The following HERC3 variants were observed in gnomAD, a reference collection of about 807,000 sequenced individuals.
The protein encoded by HERC3 is HECT and RLD domain containing E3 ubiquitin protein ligase 3.
Under a neutral mutation model 129.9 loss-of-function variants are expected in HERC3, and 58 were observed. The ratio of observed to expected loss-of-function variants is 0.45; its 90% CI spans 0.36 to 0.56. The LOEUF (loss-of-function observed/expected upper bound fraction) is 0.56. HERC3 is among the 20% of genes least tolerant of loss of function. The pLI, the probability that HERC3 is intolerant of heterozygous loss-of-function variation, is 0.00. For missense variants in HERC3, 835 were observed against 1,244.2 expected, an observed-to-expected ratio of 0.67 and a Z score of 4.95; for synonymous variants, 430 against 451.0, an observed-to-expected ratio of 0.95 and a Z score of 0.59.
intron 14 of HERC3, 82 bp downstream of exon 14, chr4:88,668,163 T>G: frequency 1.8e-6 from 2 of 1,093,146 alleles, no homozygotes; most frequent in Non-Finnish European, 2.7e-6. Flanking sequence ...TGGATTGAGA[T>G]CCAAGAATCT....
At chr4:88,653,144 A>C in intron 6 of HERC3, 54 bp downstream of exon 6, 4 of 1,538,406 alleles carry the variant, frequency 2.6e-6, no homozygotes, top group Non-Finnish European at 3.6e-6. Flanking sequence ...TTCATTTAAC[A>C]CATGCTTCTT....
chr4:88,562,303 G>A, the HERC3 span, among the ~76,000 whole-genome samples: 176 of 152,258 alleles, frequency 1.2e-3, 3 homozygotes, highest in East Asian at 0.03. Flanking sequence ...CTTATTTTGA[G>A]AAATGTCTAT....
At chr4:88,579,508 A>T in the HERC3 span, among the ~76,000 whole-genome samples, 1 of 152,166 alleles carries the variant, frequency 6.6e-6, no homozygotes, top group African/African-American at 2.4e-5. Flanking sequence ...TAGGATGAAG[A>T]ACTAAGTTTT....
intron 25 of HERC3, among the ~76,000 whole-genome samples, chr4:88,704,863 C>CTTTTTTTTTTTTTTTTTT (rs1165694315): frequency 2.3e-5 from 3 of 130,672 alleles, no homozygotes; most frequent in African/African-American, 9.0e-5. Flanking sequence ...TTCTTTCTTT[C>CTTTTTTTTTTTTTTTTTT]TTTTTTTTTT....
chr4:88,652,886 T>G lies in HERC3; in HGVS notation c.481T>G (p.Trp161Gly). 1.2e-6 allele frequency: 2 copies of G among 1,610,314 alleles called. No homozygotes were observed. Among genetic ancestry groups the G allele is most frequent in the Non-Finnish European group, 1.7e-6 (2 of 1,177,542 alleles). The change falls in exon 6 of 26, where the codon TGG becomes GGG. Residue 161 changes from tryptophan (W) to glycine (G), a missense_variant. Transcript: ENST00000402738. ...ALAADGQFFT[W>G]GKNSHGQLGL... ...TATTTCAGATGGCCAGTTCTTCACC[T>G]GGGGAAAGAACAGCCATGGGCAGCT...
chr4:88,591,128 A>G (rs143142094), upstream of HERC3, among the ~76,000 whole-genome samples: 125 of 152,138 alleles, frequency 8.2e-4, no homozygotes, highest in African/African-American at 2.8e-3. Context: ...GCTGACCTCA[A>G]GTGATCCACC....
chr4:88,534,572 C>CT, the HERC3 span, among the ~76,000 whole-genome samples: 1 of 151,836 alleles, frequency 6.6e-6, no homozygotes, highest in Non-Finnish European at 1.5e-5. Flanking sequence ...TACTGCAAGG[C>CT]TTTTTTTCCC....
At chr4:88,591,068 T>A (rs1245191239), upstream of HERC3, among the ~76,000 whole-genome samples, 1 of 152,034 alleles carries the variant, frequency 6.6e-6, no homozygotes, top group Non-Finnish European at 1.5e-5. Context: ...TTTGGTATTT[T>A]TTTTTGTAGA....
Position 88,617,055 on chromosome 4 carries a change from A to G in HERC3, c.226+11006A>G, listed in dbSNP as rs139158642. Among the ~76,000 whole-genome samples the G allele has an allele frequency of 6.3e-4, 95 of 151,940 alleles. 2 individuals carry two copies. The East Asian group carries it at 0.018, about 28-fold the overall frequency. ...CGCCAGAATTGGCTTGTTATGTTGAAAGTATTATTTTCTCTCATGATATTT... is the reference window on the plus strand; with the variant it reads ...CGCCAGAATTGGCTTGTTATGTTGAGAGTATTATTTTCTCTCATGATATTT... On this transcript the variant is annotated intron_variant, in intron 3 of 25. Coordinates refer to ENST00000402738, the MANE Select transcript of HERC3 (RefSeq NM_014606.3).
intron 22 of HERC3, 105 bp from the exon 23 acceptor site, chr4:88,687,112 T>G: frequency 1.3e-6 from 1 of 797,564 alleles, no homozygotes; most frequent in Non-Finnish European, 2.0e-6. Context: ...TCTGTAATAG[T>G]CATGAAACTA....
intron 4 of HERC3, among the ~76,000 whole-genome samples, chr4:88,650,481 GTC>G (rs1729156091): frequency 6.6e-6 from 1 of 152,172 alleles, no homozygotes; most frequent in Admixed American, 6.5e-5. Flanking sequence ...TAGGTTTTGA[GTC>G]TCTTAAAGAT....
the HERC3 span, among the ~76,000 whole-genome samples, chr4:88,545,427 ATTCTTTTTTTTTTTTTTTTTT>A: frequency 2.4e-4 from 29 of 118,712 alleles, no homozygotes; most frequent in African/African-American, 1.2e-3. Flanking sequence ...CCTTTTGAGA[ATTCTTTTTTTTTTTTTTTTTT>A]TTTAGATAGG....
At chr4:88,581,567 AAG>A in the HERC3 span, among the ~76,000 whole-genome samples, 1 of 151,776 alleles carries the variant, frequency 6.6e-6, no homozygotes, top group Non-Finnish European at 1.5e-5. Context: ...TGGCCTCCTA[AAG>A]TATTGGGATT....
At chr4:88,704,482 T>G (rs771619099) in intron 24 of HERC3, 26 bp from the exon 25 acceptor site, 59 of 1,467,634 alleles carry the variant, frequency 4.0e-5, no homozygotes, top group Middle Eastern at 3.5e-4. Flanking sequence ...AAGATACATT[T>G]TTTTCTTTTT....
the HERC3 span, among the ~76,000 whole-genome samples, chr4:88,546,390 T>C: frequency 6.6e-6 from 1 of 152,210 alleles, no homozygotes; most frequent in Non-Finnish European, 1.5e-5. Flanking sequence ...GTGCTATCTA[T>C]ATGCCAGGAA....
chr4:88,557,109 C>T, the HERC3 span, among the ~76,000 whole-genome samples: 1 of 152,152 alleles, frequency 6.6e-6, no homozygotes, highest in African/African-American at 2.4e-5. Flanking sequence ...CCCTTTCCCA[C>T]CTTATCCTTC....
chr4:88,644,351 C>G (rs1301977029), intron 3 of HERC3, among the ~76,000 whole-genome samples: 2 of 152,084 alleles, frequency 1.3e-5, no homozygotes, highest in African/African-American at 4.8e-5. Flanking sequence ...TTCATTGCAC[C>G]TCTATTTATA....
intron 3 of HERC3, among the ~76,000 whole-genome samples, chr4:88,617,780 A>C (rs1421026268): frequency 6.6e-6 from 1 of 152,120 alleles, no homozygotes; most frequent in Non-Finnish European, 1.5e-5. Flanking sequence ...CTGAGGCAGG[A>C]GAATGACGTG....
intron 3 of HERC3, among the ~76,000 whole-genome samples, chr4:88,635,941 G>A (rs1484111983): frequency 6.6e-6 from 1 of 152,126 alleles, no homozygotes; most frequent in Non-Finnish European, 1.5e-5. Context: ...TTTCAGATAA[G>A]CAAATGCTGA....
Sources: allele counts gnomAD v4.1 joint callset (sites outside exome capture counted in the v4.1 genomes callset), GRCh38; gene constraint gnomAD v4.1.1; transcripts MANE v1.5; gene names NCBI Gene and HGNC (gene_info 2026-07-23, HGNC 2026-07-21).